The following UBXN8 variants were observed in gnomAD, a reference collection of about 807,000 sequenced individuals.
UBXN8 encodes the protein UBX domain protein 8.
UBXN8 carries 27 observed loss-of-function variants against 32.1 expected under a neutral mutation model. The observed-to-expected ratio is 0.84, with a 90% CI of 0.62 to 1.16. The LOEUF is 1.16. Among genes scored for constraint, UBXN8 ranks in the 50% most tolerant of loss-of-function variants. The pLI is 0.00. For missense variants in UBXN8, 306 were observed against 311.4 expected, an observed-to-expected ratio of 0.98 and a Z score of 0.13; for synonymous variants, 109 against 111.8, an observed-to-expected ratio of 0.98 and a Z score of 0.16.
intron 1 of UBXN8, among the ~76,000 whole-genome samples, chr8:30,749,806 C>T (rs1036089250): frequency 7.2e-5 from 11 of 151,898 alleles, no homozygotes; most frequent in East Asian, 1.9e-4. Flanking sequence ...AGGGTTTCAC[C>T]GTGATAGCCA....
intron 6 of UBXN8, among the ~76,000 whole-genome samples, chr8:30,761,581 T>TG (rs1330103437): frequency 6.6e-6 from 1 of 152,072 alleles, no homozygotes; most frequent in Admixed American, 6.6e-5. Context: ...GGTCAGAAAA[T>TG]GCGTTGCTTA....
upstream of UBXN8, among the ~76,000 whole-genome samples, chr8:30,739,556 T>C (rs901131268): frequency 1.3e-5 from 2 of 151,708 alleles, no homozygotes; most frequent in African/African-American, 4.8e-5. Flanking sequence ...AAAATAAAAA[T>C]AAAATAAAAA....
At chr8:30,749,806 C>G (rs1036089250) in intron 1 of UBXN8, among the ~76,000 whole-genome samples, 17 of 152,014 alleles carry the variant, frequency 1.1e-4, no homozygotes, top group Middle Eastern at 6.8e-3. Context: ...AGGGTTTCAC[C>G]GTGATAGCCA....
At chr8:30,760,982 T>G in intron 6 of UBXN8, 53 bp downstream of exon 6, 1 of 1,274,062 alleles carries the variant, frequency 7.8e-7, no homozygotes, top group Non-Finnish European at 1.1e-6. Flanking sequence ...TTTCTTTGCT[T>G]AACATCCATT....
chr8:30,739,205 T>G (rs992767944), upstream of UBXN8, among the ~76,000 whole-genome samples: 1 of 150,620 alleles, frequency 6.6e-6, no homozygotes, highest in Non-Finnish European at 1.5e-5. Context: ...ATATCTTGAC[T>G]GTAGTGTTCA....
chr8:30,737,146 A>C (rs1044282575), intron 1 of UBXN8, among the ~76,000 whole-genome samples: 1 of 152,250 alleles, frequency 6.6e-6, no homozygotes, highest in Non-Finnish European at 1.5e-5. Flanking sequence ...TGACATATTT[A>C]AAGTTGTATC....
chr8:30,739,436 CG>C (rs1425156186), upstream of UBXN8, among the ~76,000 whole-genome samples: 1 of 151,970 alleles, frequency 6.6e-6, no homozygotes, highest in Non-Finnish European at 1.5e-5. Context: ...CCCAGCTACT[CG>C]GGAGGCTGAG....
At chr8:30,765,258 C>CAG (rs1805967346) in intron 7 of UBXN8, among the ~76,000 whole-genome samples, 1 of 151,828 alleles carries the variant, frequency 6.6e-6, no homozygotes, top group African/African-American at 2.4e-5. Context: ...GTGTTCCTGA[C>CAG]AGATAATTTA....
At chr8:30,759,899 G>T (rs1054543330) in intron 5 of UBXN8, among the ~76,000 whole-genome samples, 8 of 151,512 alleles carry the variant, frequency 5.3e-5, no homozygotes, top group African/African-American at 1.9e-4. Context: ...AGAGCTTGCA[G>T]TGAGCCAAGA....
rs1239426126 is a variant in UBXN8 at position 30,760,059 on chromosome 8, C to CTT, written c.529-826_529-825dup. Among the ~76,000 whole-genome samples the CTT allele has an allele frequency of 4.2e-3, 413 of 98,440 alleles. 2 individuals are homozygous for CTT. Among genetic ancestry groups the CTT allele is most frequent in the African/African-American group, 0.012 (388 of 31,182 alleles). 64.6% of individuals were successfully genotyped at this position (98,440 alleles called of 152,430 possible). A position where few individuals can be genotyped will look rare whatever the true frequency, so the allele number is the denominator to read the frequency against. On this transcript the variant is annotated intron_variant, in intron 5 of 7. Coordinates refer to ENST00000265616, the MANE Select transcript of UBXN8 (RefSeq NM_005671.4). ...TAATTTTGGGGTCTTACTGAATTTT[C>CTT]TTTTCTTTTTTTTTTTTTTTAAGAT...
chr8:30,746,815 C>T lies in UBXN8; in HGVS notation c.88+2538C>T, dbSNP rs371684270. The stretch of plus-strand genomic sequence containing the variant: ...CTGGGATTACAGGCGTGAGCCACCG[C>T]GCCCTGACTAAGCTAAATATTTTAA... On this transcript the variant is annotated intron_variant, in intron 1 of 7. Coordinates refer to ENST00000265616, the MANE Select transcript of UBXN8 (RefSeq NM_005671.4). Among the ~76,000 whole-genome samples, 10 of 139,616 alleles carry T rather than the reference C, an allele frequency of 7.2e-5. 3 individuals carry two copies. Among genetic ancestry groups the T allele is most frequent in the South Asian group, 5.0e-4 (2 of 3,988 alleles). 91.6% of individuals were successfully genotyped at this position (139,616 alleles called of 152,430 possible). A position where few individuals can be genotyped will look rare whatever the true frequency, so the allele number is the denominator to read the frequency against.
intron 4 of UBXN8, chr8:30,756,059 CTG>C (rs896147148): frequency 6.6e-5 from 10 of 150,548 alleles, no homozygotes; most frequent in African/African-American, 2.4e-4. Context: ...GAGTCTCACT[CTG>C]TCGCCCAAGT....
chr8:30,766,971 C>G lies in UBXN8; in HGVS notation c.*577C>G, dbSNP rs1177841008. ...TGAATCAGTATTTTAAAAAATAAAA[C>G]TATGAAAGCATTAAAATATAGGTGA... On this transcript the variant is annotated 3_prime_UTR_variant, in exon 8 of 8. Transcript: ENST00000265616. The G allele has an allele frequency of 6.6e-6, 1 of 152,132 alleles. No homozygotes were observed. The highest frequency in any genetic ancestry group is 2.4e-5 in the African/African-American group (1 of 41,442). 9.4% of individuals were successfully genotyped at this position (152,132 alleles called of 1,614,324 possible). A position where few individuals can be genotyped will look rare whatever the true frequency, so the allele number is the denominator to read the frequency against.
chr8:30,756,878 A>G lies in UBXN8; in HGVS notation c.519A>G (p.Thr173=). ...TEFPSPAEQP[T]CKEIPDLPEE... is the part of the protein sequence containing the mutation. Reference sequence around the variant, plus strand: ...TTCCGTCTCCTGCTGAACAGCCCACATGCAAGGAGGTAAAGTACTTCATGC... The same window carrying G: ...TTCCGTCTCCTGCTGAACAGCCCACGTGCAAGGAGGTAAAGTACTTCATGC... Residue 173 remains threonine, a synonymous_variant, in exon 5 of 8, where the codon ACA becomes ACG. Coordinates refer to ENST00000265616, the MANE Select transcript of UBXN8 (RefSeq NM_005671.4). 1 of 1,613,970 alleles carries G rather than the reference A, an allele frequency of 6.2e-7. No individual in the cohort carries two copies. The highest frequency in any genetic ancestry group is 8.5e-7 in the Non-Finnish European group (1 of 1,179,872).
At chr8:30,743,592 G>GC (rs1805265707), upstream of UBXN8, among the ~76,000 whole-genome samples, 1 of 152,178 alleles carries the variant, frequency 6.6e-6, no homozygotes, top group Admixed American at 6.5e-5. Context: ...ACGCGTGCAG[G>GC]CAAAACTGAA....
intron 5 of UBXN8, among the ~76,000 whole-genome samples, chr8:30,757,124 G>T (rs1024862915): frequency 2.7e-5 from 4 of 150,614 alleles, no homozygotes; most frequent in Non-Finnish European, 5.9e-5. Context: ...TTTGAGACCA[G>T]CCTGGCCAAC....
chr8:30,749,134 C>T (rs1011971278), intron 1 of UBXN8, among the ~76,000 whole-genome samples: 13 of 152,162 alleles, frequency 8.5e-5, no homozygotes, highest in Admixed American at 6.5e-4. Context: ...TGGCTCATGC[C>T]TGTAATCCCA....
rs796548145 is a variant in UBXN8 at position 30,757,552 on chromosome 8, C to CAAAAACA, written c.528+684_528+690dup. 8.5e-3 allele frequency among the ~76,000 whole-genome samples: 1,266 copies of CAAAAACA among 148,848 alleles called. 21 individuals carry two copies. The highest frequency in any genetic ancestry group is 0.03 in the African/African-American group (1,208 of 40,418). On this transcript the variant is annotated intron_variant, in intron 5 of 7. Coordinates refer to ENST00000265616, the MANE Select transcript of UBXN8 (RefSeq NM_005671.4). ...GGACAACAGTAGTGAAACTCCATCT[C>CAAAAACA]AAAAACAAAAAACAAAAAACAAAAA...
At chr8:30,752,232 A>G (rs1276470313) in intron 2 of UBXN8, among the ~76,000 whole-genome samples, 1 of 152,126 alleles carries the variant, frequency 6.6e-6, no homozygotes, top group Non-Finnish European at 1.5e-5. Context: ...CTAATGTTTT[A>G]TTCCATTCTA....
Sources: allele counts gnomAD v4.1 joint callset (sites outside exome capture counted in the v4.1 genomes callset), GRCh38; gene constraint gnomAD v4.1.1; transcripts MANE v1.5; gene names NCBI Gene and HGNC (gene_info 2026-07-23, HGNC 2026-07-21).